Variants in RPRD2 observed in about 807,000 individuals in gnomAD.
The protein encoded by RPRD2 is regulation of nuclear pre-mRNA domain containing 2.
RPRD2 carries 12 observed loss-of-function variants against 104.4 expected under a neutral mutation model. The ratio of observed to expected loss-of-function variants is 0.11; its 90% CI spans 0.07 to 0.19. The LOEUF is 0.19. RPRD2 is among the 10% of genes least tolerant of loss of function. The pLI is 1.00. For synonymous variants in RPRD2, 714 were observed against 684.9 expected, an observed-to-expected ratio of 1.04 and a Z score of -0.66; for missense variants, 1,543 against 1,790.1, an observed-to-expected ratio of 0.86 and a Z score of 2.49.
intron 7 of RPRD2, among the ~76,000 whole-genome samples, chr1:150,450,895 G>A (rs1326093484): frequency 6.6e-6 from 1 of 152,044 alleles, no homozygotes; most frequent in Non-Finnish European, 1.5e-5. Context: ...ACAGGCGTGA[G>A]CCACCGTGCC....
Position 150,473,133 on chromosome 1 carries a change from T to C in RPRD2, c.4185T>C (p.Ser1395=). 1.2e-6 allele frequency: 2 copies of C among 1,613,930 alleles called. No individual in the cohort carries two copies. Among genetic ancestry groups the C allele is most frequent in the South Asian group, 1.1e-5 (1 of 91,086 alleles). Residue 1395 remains serine (S), a synonymous_variant, in exon 11 of 11, where the codon AGT becomes AGC. Transcript: ENST00000369068. ...GGGGGGSNSS[S]GPPLGPSHRD... Reference sequence around the variant, plus strand: ...GTGGGGGAGGCAGCAACAGCAGCAGTGGCCCCCCCTTGGGTCCCTCACACA... The same window carrying C: ...GTGGGGGAGGCAGCAACAGCAGCAGCGGCCCCCCCTTGGGTCCCTCACACA...
chr1:150,412,101 CGA>C (rs1663980028), intron 1 of RPRD2, among the ~76,000 whole-genome samples: 1 of 151,792 alleles, frequency 6.6e-6, no homozygotes. Context: ...CTGGCCTGGG[CGA>C]TAGAGTGAGA....
At chr1:150,376,007 AAAGT>A (rs1223812426) in intron 1 of RPRD2, among the ~76,000 whole-genome samples, 1 of 152,214 alleles carries the variant, frequency 6.6e-6, no homozygotes, top group Non-Finnish European at 1.5e-5. Flanking sequence ...TCTTAGGGAG[AAAGT>A]AGTAGAACCT....
chr1:150,438,711 G>A (rs781973308), intron 2 of RPRD2, among the ~76,000 whole-genome samples: 2 of 152,158 alleles, frequency 1.3e-5, no homozygotes, highest in Non-Finnish European at 2.9e-5. Context: ...TTAAATAAAC[G>A]TAGATGGCAT....
chr1:150,402,688 C>T (rs911912951), intron 1 of RPRD2, among the ~76,000 whole-genome samples: 3 of 151,394 alleles, frequency 2.0e-5, no homozygotes, highest in African/African-American at 7.3e-5. Flanking sequence ...CCGTTTCAGC[C>T]GGGCGCGGTG....
In RPRD2 at chr1:150,423,562, A is replaced by G. The variant is rs184914845; in HGVS notation, c.335+5837A>G. ...TAAGGGTGTATAGAGAATTATATGCATGATCTTTTTTGGGAAAAGGTGTCA... is the reference window on the plus strand; with the variant it reads ...TAAGGGTGTATAGAGAATTATATGCGTGATCTTTTTTGGGAAAAGGTGTCA... On this transcript the variant is annotated intron_variant, in intron 2 of 10. Transcript: ENST00000369068. 1.1e-3 allele frequency among the ~76,000 whole-genome samples: 161 copies of G among 152,318 alleles called. 2 individuals are homozygous for G. Among genetic ancestry groups the G allele is most frequent in the African/African-American group, 3.7e-3 (155 of 41,582 alleles).
At chr1:150,391,481 T>C (rs1662058597) in intron 1 of RPRD2, among the ~76,000 whole-genome samples, 1 of 152,114 alleles carries the variant, frequency 6.6e-6, no homozygotes. Context: ...GGACATATAC[T>C]TCAGGGAAAG....
chr1:150,453,648 G>T (rs1211701352), intron 7 of RPRD2, among the ~76,000 whole-genome samples: 1 of 152,146 alleles, frequency 6.6e-6, no homozygotes, highest in East Asian at 1.9e-4. Context: ...CACCTGTTAC[G>T]GGTATGTTAG....
At chr1:150,417,217 T>C (rs1664412722) in intron 1 of RPRD2, among the ~76,000 whole-genome samples, 2 of 152,186 alleles carry the variant, frequency 1.3e-5, no homozygotes, top group African/African-American at 4.8e-5. Context: ...AATTTTGTTT[T>C]ATTTTAGCTT....
intron 1 of RPRD2, among the ~76,000 whole-genome samples, chr1:150,366,802 C>T (rs1659876237): frequency 6.6e-6 from 1 of 152,158 alleles, no homozygotes; most frequent in Non-Finnish European, 1.5e-5. Flanking sequence ...TATTTTAAAA[C>T]ATTTTTACTG....
intron 10 of RPRD2, among the ~76,000 whole-genome samples, chr1:150,466,011 CAAAA>C (rs71578500): frequency 7.2e-5 from 5 of 69,256 alleles, no homozygotes; most frequent in African/African-American, 2.6e-4. Flanking sequence ...AGACTCAGTC[CAAAA>C]AAAAAAAAAA....
intron 2 of RPRD2, among the ~76,000 whole-genome samples, chr1:150,430,500 T>C (rs185837494): frequency 2.0e-5 from 3 of 152,082 alleles, no homozygotes; most frequent in Non-Finnish European, 4.4e-5. Context: ...ACCTCATTTC[T>C]ATAAAAAAAA....
chr1:150,385,667 T>G (rs16836615), intron 1 of RPRD2, among the ~76,000 whole-genome samples: 3,071 of 152,278 alleles, frequency 0.02, 132 homozygotes, highest in African/African-American at 0.071. Context: ...GTACCCTTAG[T>G]GTTGTCATAT....
chr1:150,449,511 T>G (rs1667014297), intron 7 of RPRD2, among the ~76,000 whole-genome samples: 1 of 152,158 alleles, frequency 6.6e-6, no homozygotes. Context: ...CTCCTGTTTT[T>G]GCTTGCATGT....
chr1:150,464,381 T>TA, intron 9 of RPRD2, 146 bp from the exon 10 acceptor site: 1 of 509,082 alleles, frequency 2.0e-6, no homozygotes, highest in Non-Finnish European at 3.4e-6. Flanking sequence ...TTTTTTTTTG[T>TA]ACATGTCATG....
intron 1 of RPRD2, among the ~76,000 whole-genome samples, chr1:150,382,465 G>A (rs1410961186): frequency 1.3e-5 from 2 of 151,542 alleles, no homozygotes; most frequent in African/African-American, 2.4e-5. Flanking sequence ...TCTGCCTCCC[G>A]GATTCAAGTG....
chr1:150,449,798 T>G (rs1289727451), intron 7 of RPRD2, among the ~76,000 whole-genome samples: 1 of 152,144 alleles, frequency 6.6e-6, no homozygotes, highest in Admixed American at 6.6e-5. Context: ...TGGCTTCGTG[T>G]TTTTTATAAA....
rs778296362 is a variant in RPRD2 at position 150,473,051 on chromosome 1, G to T, written c.4103G>T (p.Ser1368Ile). ...NGPGLSRVRESLTLPSHSLEH... is the reference protein window; with the variant it reads ...NGPGLSRVREILTLPSHSLEH... Reference sequence around the variant, plus strand: ...CCTGGCCTTAGCCGTGTACGAGAGAGCCTCACCCTACCCTCCCATTCTCTG... The same window carrying T: ...CCTGGCCTTAGCCGTGTACGAGAGATCCTCACCCTACCCTCCCATTCTCTG... Residue 1368 changes from serine to isoleucine, a missense_variant, in exon 11 of 11, where the codon AGC becomes ATC. Ser to Ile is a moderately radical substitution (Grantham distance 142). Transcript: ENST00000369068. The T allele has an allele frequency of 1.2e-6, 2 of 1,614,018 alleles. No individual in the cohort carries two copies. Among genetic ancestry groups the T allele is most frequent in the African/African-American group, 2.7e-5 (2 of 75,060 alleles).
chr1:150,369,258 G>C (rs1660081054), intron 1 of RPRD2, among the ~76,000 whole-genome samples: 1 of 151,958 alleles, frequency 6.6e-6, no homozygotes, highest in Admixed American at 6.6e-5. Context: ...TATCATTTCT[G>C]TACTTCGTTC....
Sources: gnomAD v4.1 joint callset for allele counts (sites outside exome capture counted in the v4.1 genomes callset) on GRCh38, gnomAD v4.1.1 for gene constraint, MANE v1.5 for transcripts, NCBI Gene and HGNC (gene_info 2026-07-23, HGNC 2026-07-21) for gene names.